Variants in MTURN observed in about 807,000 individuals in gnomAD.
The protein encoded by MTURN is maturin.
Under a neutral mutation model 14.9 loss-of-function variants are expected in MTURN, and 7 were observed. The observed-to-expected ratio is 0.47, with a 90% confidence interval of 0.27 to 0.88. The LOEUF is 0.88. Ranked by LOEUF, MTURN falls within the 40% of genes least tolerant of loss-of-function variation. MTURN has a pLI of 0.14. For synonymous variants in MTURN, 69 were observed against 72.5 expected (o/e 0.95, Z 0.25); for missense variants, 151 against 174.1 (o/e 0.87, Z 0.75).
chr7:30,155,265 T>C (rs767139193), intron 2 of MTURN, among the ~76,000 whole-genome samples: 15 of 152,190 alleles, frequency 9.9e-5, no homozygotes, highest in Non-Finnish European at 2.2e-4. Context: ...TTCAATACAA[T>C]GAACAATTAT....
chr7:30,156,284 T>C (rs911700223), intron 2 of MTURN, among the ~76,000 whole-genome samples: 4 of 151,776 alleles, frequency 2.6e-5, no homozygotes, highest in Non-Finnish European at 5.9e-5. Context: ...AGGAAAAAAT[T>C]ACCCATAATC....
chr7:30,144,373 C>T (rs545451144), intron 1 of MTURN, among the ~76,000 whole-genome samples: 4 of 152,210 alleles, frequency 2.6e-5, no homozygotes, highest in Non-Finnish European at 5.9e-5. Flanking sequence ...CTAAGTAGAA[C>T]TTTTGTTGTT....
intron 2 of MTURN, among the ~76,000 whole-genome samples, chr7:30,149,842 G>T (rs934315207): frequency 6.6e-6 from 1 of 152,202 alleles, no homozygotes; most frequent in African/African-American, 2.4e-5. Flanking sequence ...GCCAGCCCCA[G>T]GAGGAGTGTT....
In MTURN at chr7:30,158,963, TG is replaced by T. The variant is rs1272387958; in HGVS notation, c.*1418del. The T allele has an allele frequency of 2.0e-5, 3 of 152,170 alleles. No homozygotes were observed. Among genetic ancestry groups the T allele is most frequent in the African/African-American group, 7.2e-5 (3 of 41,430 alleles). 9.4% of individuals were successfully genotyped at this position (152,170 alleles called of 1,614,324 possible). Reference sequence around the variant, plus strand: ...GTAGCAGCAGAGGCCACAGAACTTATGGGAGTCTTGTATATCTTCCAGGCAT... The same window carrying T: ...GTAGCAGCAGAGGCCACAGAACTTATGGAGTCTTGTATATCTTCCAGGCAT... On this transcript the variant is annotated 3_prime_UTR_variant, in exon 3 of 3. Transcript: ENST00000324453.
chr7:30,137,745 T>C (rs1353374467), intron 1 of MTURN: 4 of 453,716 alleles, frequency 8.8e-6, no homozygotes, highest in South Asian at 3.2e-5. Context: ...TTAGTTCTTT[T>C]CTTTTTCCCT....
In MTURN at chr7:30,157,531, G is replaced by A; in HGVS notation, c.379G>A (p.Gly127Arg). 6.2e-7 allele frequency: 1 copy of A among 1,601,648 alleles called. No individual in the cohort carries two copies. Among genetic ancestry groups the A allele is most frequent in the Non-Finnish European group, 8.5e-7 (1 of 1,174,722 alleles). ...EEPEADHPQMGVSQQ is the reference protein window; with the variant it reads ...EEPEADHPQMRVSQQ ...GCCAGAGGCGGACCACCCCCAGATG[G>A]GGGTCAGCCAGCAGTAAATCTGGGG... The change falls in exon 3 of 3, where the codon GGG (glycine) becomes AGG (arginine). Residue 127 changes from glycine to arginine, a missense_variant. By Grantham distance (125) the Gly-to-Arg change is moderately radical. Transcript: ENST00000324453.
intron 1 of MTURN, among the ~76,000 whole-genome samples, chr7:30,136,456 T>G (rs944357272): frequency 1.3e-5 from 2 of 151,966 alleles, no homozygotes; most frequent in Non-Finnish European, 2.9e-5. Flanking sequence ...GGTGGGGTGG[T>G]GCGGGGCGCG....
Position 30,135,309 on chromosome 7 carries a change from G to A in MTURN, c.162+11G>A, listed in dbSNP as rs1474210234. ...TGCGGCGACAATTTTGTGAGTGCCT[G>A]GAGGAGGGACCGCCGGAGCCGGCGG... On this transcript the variant is annotated intron_variant, in intron 1 of 2. Transcript: ENST00000324453. 6.6e-7 allele frequency: 1 copy of A among 1,514,070 alleles called. No individual in the cohort carries two copies. The highest frequency in any genetic ancestry group is 1.4e-5 in the African/African-American group (1 of 69,002). The allele number at this position is 1,514,070 out of a possible 1,614,324, so 93.8% of individuals were successfully genotyped here. A position where few individuals can be genotyped will look rare whatever the true frequency, so the allele number is the denominator to read the frequency against.
chr7:30,146,615 G>A (rs1267732804), intron 2 of MTURN, among the ~76,000 whole-genome samples: 1 of 152,134 alleles, frequency 6.6e-6, no homozygotes, highest in African/African-American at 2.4e-5. Context: ...TAGGAGACTT[G>A]GAACCATGGC....
chr7:30,147,077 CCTT>C (rs1408087452), intron 2 of MTURN, among the ~76,000 whole-genome samples: 4 of 152,224 alleles, frequency 2.6e-5, no homozygotes, highest in African/African-American at 7.2e-5. Context: ...AATGCTGTCT[CCTT>C]CTCTGCTGCG....
chr7:30,146,702 T>G (rs1230477277), intron 2 of MTURN, among the ~76,000 whole-genome samples: 1 of 152,190 alleles, frequency 6.6e-6, no homozygotes, highest in African/African-American at 2.4e-5. Context: ...GTATACAGGT[T>G]ATATTAATAC....
chr7:30,142,465 T>G (rs1370995869), intron 1 of MTURN, among the ~76,000 whole-genome samples: 1 of 152,212 alleles, frequency 6.6e-6, no homozygotes, highest in Admixed American at 6.5e-5. Context: ...AATATGTAGT[T>G]AGCCAAAGTT....
chr7:30,159,935 C>A lies in MTURN; in HGVS notation c.*2387C>A. The stretch of plus-strand genomic sequence containing the variant: ...AAATGGTTCCATGGTGAAACACATC[C>A]CTGACCCTTCACAGACTTACACATT... On this transcript the variant is annotated 3_prime_UTR_variant, in exon 3 of 3. Coordinates refer to ENST00000324453, the MANE Select transcript of MTURN (RefSeq NM_152793.3). 6.6e-6 allele frequency: 1 copy of A among 152,492 alleles called. No homozygotes were observed. The allele number at this position is 152,492 out of a possible 1,614,324, so 9.4% of individuals were successfully genotyped here.
At chr7:30,144,176 C>A (rs1276608972) in intron 1 of MTURN, among the ~76,000 whole-genome samples, 3 of 152,242 alleles carry the variant, frequency 2.0e-5, no homozygotes, top group Non-Finnish European at 1.5e-5. Flanking sequence ...TGCATGTCAG[C>A]TAGGCACTGT....
At chr7:30,137,605 A>C (rs960049062) in intron 1 of MTURN, 1 of 471,178 alleles carries the variant, frequency 2.1e-6, no homozygotes, top group Admixed American at 2.3e-5. Context: ...GGTAGAATGG[A>C]ACTTTCTCCA....
At chr7:30,155,128 A>C (rs994245712) in intron 2 of MTURN, among the ~76,000 whole-genome samples, 1 of 152,072 alleles carries the variant, frequency 6.6e-6, no homozygotes, top group Non-Finnish European at 1.5e-5. Flanking sequence ...CATGCAGGAC[A>C]GCCATTGCTA....
chr7:30,151,825 C>T (rs534938153), intron 2 of MTURN, among the ~76,000 whole-genome samples: 27 of 152,278 alleles, frequency 1.8e-4, no homozygotes, highest in South Asian at 1.0e-3. Flanking sequence ...TGTGACTCTG[C>T]GTTTCTTCTC....
chr7:30,155,019 G>GAATC (rs1797266473), intron 2 of MTURN, among the ~76,000 whole-genome samples: 1 of 152,230 alleles, frequency 6.6e-6, no homozygotes, highest in African/African-American at 2.4e-5. Flanking sequence ...GGGTCAGTAT[G>GAATC]AATCACCTAG....
At chr7:30,146,337 C>T (rs780404635) in intron 2 of MTURN, 38 bp downstream of exon 2, 4 of 1,611,044 alleles carry the variant, frequency 2.5e-6, no homozygotes, top group Non-Finnish European at 3.4e-6. Context: ...AGCTTGTTTT[C>T]TATGGTGATT....
Sources: allele counts gnomAD v4.1 joint callset (sites outside exome capture counted in the v4.1 genomes callset), GRCh38; gene constraint gnomAD v4.1.1; transcripts MANE v1.5; gene names NCBI Gene and HGNC (gene_info 2026-07-23, HGNC 2026-07-21).